Variants in ZNF536 observed in about 807,000 individuals in gnomAD.
ZNF536 encodes the protein zinc finger protein 536.
Under a neutral mutation model 84.5 loss-of-function variants are expected in ZNF536, and 13 were observed. The ratio of observed to expected loss-of-function variants is 0.15; its 90% CI spans 0.10 to 0.24. The LOEUF is 0.24. Among genes scored for constraint, ZNF536 ranks in the 10% least tolerant of loss-of-function variants. The pLI is 1.00. For synonymous variants in ZNF536, 811 were observed against 742.5 expected (o/e 1.09, Z -1.50); for missense variants, 1,536 against 1,747.5 (o/e 0.88, Z 2.16).
At chr19:30,461,149 A>G (rs923301123) in intron 2 of ZNF536, among the ~76,000 whole-genome samples, 2 of 152,088 alleles carry the variant, frequency 1.3e-5, no homozygotes, top group African/African-American at 4.8e-5. Flanking sequence ...GCCCTCCCAG[A>G]GATTCCCAGA....
chr19:30,436,587 T>C, intron 1 of ZNF536: 6 of 781,412 alleles, frequency 7.7e-6, no homozygotes, highest in Non-Finnish European at 9.3e-6. Context: ...CCTGAAAAGG[T>C]TCAGTAGTCT....
At chr19:30,436,074 A>C (rs2051733360) in intron 1 of ZNF536, among the ~76,000 whole-genome samples, 1 of 152,170 alleles carries the variant, frequency 6.6e-6, no homozygotes, top group African/African-American at 2.4e-5. Flanking sequence ...CTGGGGCTCC[A>C]TGGGACCACA....
chr19:30,491,874 G>C (rs577891473), intron 2 of ZNF536, among the ~76,000 whole-genome samples: 1 of 150,748 alleles, frequency 6.6e-6, no homozygotes, highest in African/African-American at 2.4e-5. Context: ...TATACAAGAC[G>C]TTACTCCTGA....
At chr19:30,461,916 A>C (rs1178929438) in intron 2 of ZNF536, among the ~76,000 whole-genome samples, 1 of 152,110 alleles carries the variant, frequency 6.6e-6, no homozygotes, top group Non-Finnish European at 1.5e-5. Context: ...CACCATCCGG[A>C]AGTCAGCTCT....
At position 30,548,211 on chromosome 19, in the gene ZNF536, C is replaced by G. The variant is rs961885089; in HGVS notation, c.2592C>G (p.Leu864=). The change falls in exon 4 of 5, where the codon CTC becomes CTG. Residue 864 remains leucine (L), a synonymous_variant. Transcript: ENST00000355537. ...PASQQWTSGV[L]SSGDHSGQAT... Reference sequence around the variant, plus strand: ...CTCAGCAGTGGACATCAGGGGTTCTCTCCTCTGGAGATCACTCGGGGCAGG... The same window carrying G: ...CTCAGCAGTGGACATCAGGGGTTCTGTCCTCTGGAGATCACTCGGGGCAGG... The G allele has an allele frequency of 1.2e-6, 2 of 1,614,232 alleles. No homozygotes were observed. The highest frequency in any genetic ancestry group is 1.7e-6 in the Non-Finnish European group (2 of 1,180,044).
intron 1 of ZNF536, among the ~76,000 whole-genome samples, chr19:30,379,060 T>C (rs569305663): frequency 6.6e-6 from 1 of 152,322 alleles, no homozygotes; most frequent in Admixed American, 6.5e-5. Context: ...AAATAACACA[T>C]GTGCCGTCAC....
chr19:30,321,039 G>C (rs1029629419), intron 2 of ZNF536, among the ~76,000 whole-genome samples: 1 of 152,128 alleles, frequency 6.6e-6, no homozygotes, highest in African/African-American at 2.4e-5. Context: ...CACCATCTCC[G>C]TCCCTTGGGC....
intron 1 of ZNF536, among the ~76,000 whole-genome samples, chr19:30,634,461 C>T (rs982549224): frequency 6.6e-6 from 1 of 152,086 alleles, no homozygotes; most frequent in Non-Finnish European, 1.5e-5. Flanking sequence ...TGAGAAGTTC[C>T]TGCCATGCCT....
intron 1 of ZNF536, among the ~76,000 whole-genome samples, chr19:30,645,851 T>G (rs2049445763): frequency 6.6e-6 from 1 of 152,238 alleles, no homozygotes; most frequent in South Asian, 2.1e-4. Flanking sequence ...TGGTCATTAT[T>G]CTGACCTAGA....
At chr19:30,380,865 ATT>A in intron 1 of ZNF536, among the ~76,000 whole-genome samples, 1 of 152,148 alleles carries the variant, frequency 6.6e-6, no homozygotes, top group South Asian at 2.1e-4. Context: ...AAATTTATAT[ATT>A]GTTACATATT....
chr19:30,299,172 G>T (rs1458144003), intron 2 of ZNF536, among the ~76,000 whole-genome samples: 1 of 152,152 alleles, frequency 6.6e-6, no homozygotes, highest in Non-Finnish European at 1.5e-5. Context: ...ATAATCCTCT[G>T]TAAATTATGA....
intron 1 of ZNF536, among the ~76,000 whole-genome samples, chr19:30,434,780 G>A (rs1261962097): frequency 1.3e-5 from 2 of 151,942 alleles, no homozygotes; most frequent in Non-Finnish European, 2.9e-5. Context: ...TGATGGTGGT[G>A]GTGATGACGA....
chr19:30,227,664 G>T (rs938130861), upstream of ZNF536, among the ~76,000 whole-genome samples: 2 of 151,778 alleles, frequency 1.3e-5, no homozygotes, highest in Admixed American at 1.3e-4. Flanking sequence ...GGGCCGGGGC[G>T]AGGGGCGAGC....
At chr19:30,330,619 G>A (rs2047180823) in intron 2 of ZNF536, among the ~76,000 whole-genome samples, 1 of 152,160 alleles carries the variant, frequency 6.6e-6, no homozygotes, top group South Asian at 2.1e-4. Flanking sequence ...TCTGACGTTT[G>A]GGCTCTCCCA....
chr19:30,356,436 T>C (rs1016226767), intron 3 of ZNF536, among the ~76,000 whole-genome samples: 3 of 152,232 alleles, frequency 2.0e-5, no homozygotes, highest in Admixed American at 2.0e-4. Flanking sequence ...TCAACATCCT[T>C]CCTGCAGCAG....
At chr19:30,254,321 T>C (rs1242629885) in intron 1 of ZNF536, among the ~76,000 whole-genome samples, 3 of 152,174 alleles carry the variant, frequency 2.0e-5, no homozygotes, top group Non-Finnish European at 2.9e-5. Context: ...AGGGCACATG[T>C]TCTGTACCAC....
At position 30,557,970 on chromosome 19, in the gene ZNF536, C is replaced by A. The variant is rs182108563; in HGVS notation, c.*806C>A. On this transcript the variant is annotated 3_prime_UTR_variant, in exon 5 of 5. Coordinates refer to ENST00000355537, the MANE Select transcript of ZNF536 (RefSeq NM_014717.3). ...CTGTATGCTGAGTTACAAGTTAGGT[C>A]ATTTATGAATGGAATGTAAAATAAT... 4 of 152,078 alleles carry A rather than the reference C, an allele frequency of 2.6e-5. No homozygotes were observed. Among genetic ancestry groups the A allele is most frequent in the African/African-American group, 4.9e-5 (2 of 41,216 alleles). 9.4% of individuals were successfully genotyped at this position (152,078 alleles called of 1,614,324 possible). A position where few individuals can be genotyped will look rare whatever the true frequency, so the allele number is the denominator to read the frequency against.
Position 30,282,636 on chromosome 19 carries a change from C to T in ZNF536, c.-189-1436C>T, listed in dbSNP as rs75201818. 8.7e-3 allele frequency among the ~76,000 whole-genome samples: 1,319 copies of T among 152,122 alleles called. 22 individuals are homozygous for T. The highest frequency in any genetic ancestry group is 0.03 in the African/African-American group (1,231 of 41,478). ...ACCCCCTCCCTAAACATAAGGAGGTCGTAGAGCAAAGCAAATAAGTGTTTT... is the reference window on the plus strand; with the variant it reads ...ACCCCCTCCCTAAACATAAGGAGGTTGTAGAGCAAAGCAAATAAGTGTTTT... On this transcript the variant is annotated intron_variant, in intron 1 of 5. Transcript: ENST00000585628.
chr19:30,384,604 T>C (rs898952501), intron 1 of ZNF536, among the ~76,000 whole-genome samples: 2 of 151,884 alleles, frequency 1.3e-5, no homozygotes, highest in Admixed American at 1.3e-4. Flanking sequence ...CACAGGATTC[T>C]TCTTCCTGCA....
Sources: gnomAD v4.1 joint callset for allele counts (sites outside exome capture counted in the v4.1 genomes callset) on GRCh38, gnomAD v4.1.1 for gene constraint, MANE v1.5 for transcripts, NCBI Gene and HGNC (gene_info 2026-07-23, HGNC 2026-07-21) for gene names.